The following R3HDM1 variants were observed in gnomAD, a reference collection of about 807,000 sequenced individuals.
R3HDM1 encodes R3H domain containing 1, also known as R3H domain-containing protein 1.
A neutral mutation model predicts 141.1 loss-of-function variants in R3HDM1; 46 were observed. The ratio of observed to expected loss-of-function variants is 0.33; its 90% CI spans 0.26 to 0.42. The LOEUF is 0.42. Among genes scored for constraint, R3HDM1 ranks in the 10% least tolerant of loss-of-function variants. The pLI is 1.00. For missense variants in R3HDM1, 1,184 were observed against 1,368.3 expected (o/e 0.87, Z 2.12); for synonymous variants, 435 against 472.9 (o/e 0.92, Z 1.04).
At chr2:135,532,655 T>C (rs1695159927) in intron 1 of R3HDM1, among the ~76,000 whole-genome samples, 1 of 152,164 alleles carries the variant, frequency 6.6e-6, no homozygotes, top group Non-Finnish European at 1.5e-5. Flanking sequence ...ACAAAAACTT[T>C]TAAATGAAAA....
At chr2:135,636,654 A>G (rs2063282779) in intron 11 of R3HDM1, among the ~76,000 whole-genome samples, 1 of 152,174 alleles carries the variant, frequency 6.6e-6, no homozygotes, top group Non-Finnish European at 1.5e-5. Context: ...GTGATTATAT[A>G]AGATAGGCTT....
rs371313309 is a variant in R3HDM1, at chr2:135,710,087, G to A, written c.2592G>A (p.Gly864=). The A allele has an allele frequency of 4.3e-6, 7 of 1,613,822 alleles. No individual in the cohort carries two copies. The highest frequency in any genetic ancestry group is 5.9e-6 in the Non-Finnish European group (7 of 1,179,944). The stretch of plus-strand genomic sequence containing the variant: ...GACCACCACCGCCACCTGGTGGGGG[G>A]ATGGTGATGATGCAGCTCAGTGTAC... ...TAGPPPPPGG[G]MVMMQLSVPN... The change falls in exon 23 of 27, where the codon GGG becomes GGA. Residue 864 remains glycine, a synonymous_variant. Transcript: ENST00000683871.
Position 135,674,276 on chromosome 2 carries a change from A to G in R3HDM1, c.2153-1056A>G, listed in dbSNP as rs2068812384. On this transcript the variant is annotated intron_variant, in intron 19 of 26. Transcript: ENST00000683871. ...ATGTCTGTTGCTTTAGGAATTAGTG[A>G]GGATATAAATGAAAACTGATAACAA... Among the ~76,000 whole-genome samples the G allele has an allele frequency of 2.6e-5, 4 of 152,220 alleles. No homozygotes were observed. In the South Asian group the frequency reaches 8.3e-4, roughly 32 times the overall value.
chr2:135,554,029 G>T (rs868304467), intron 1 of R3HDM1, among the ~76,000 whole-genome samples: 3 of 152,138 alleles, frequency 2.0e-5, no homozygotes, highest in African/African-American at 7.2e-5. Flanking sequence ...GATATAATTC[G>T]TGTACTGTAA....
intron 1 of R3HDM1, chr2:135,586,364 C>A (rs1351615771): frequency 6.5e-6 from 1 of 152,692 alleles, no homozygotes; most frequent in Admixed American, 6.5e-5. Context: ...ACTGCTCTAG[C>A]AGGCACTCCC....
At chr2:135,553,176 T>G (rs1404628204) in intron 1 of R3HDM1, among the ~76,000 whole-genome samples, 1 of 152,082 alleles carries the variant, frequency 6.6e-6, no homozygotes, top group Non-Finnish European at 1.5e-5. Flanking sequence ...GGCTCTAACA[T>G]TGCTTGGCAT....
intron 21 of R3HDM1, among the ~76,000 whole-genome samples, chr2:135,694,044 G>T (rs1392222976): frequency 6.6e-6 from 1 of 152,046 alleles, no homozygotes. Context: ...AGACAAAAAG[G>T]AATGATTCTC....
intron 21 of R3HDM1, among the ~76,000 whole-genome samples, chr2:135,698,785 G>A (rs190905901): frequency 3.8e-4 from 58 of 152,122 alleles, no homozygotes; most frequent in Non-Finnish European, 3.4e-4. Flanking sequence ...GAGAAGAGTG[G>A]GGGGAGCACC....
intron 21 of R3HDM1, among the ~76,000 whole-genome samples, chr2:135,708,987 T>C (rs1414344350): frequency 6.6e-6 from 1 of 151,354 alleles, no homozygotes; most frequent in East Asian, 1.9e-4. Flanking sequence ...AACTAACTGT[T>C]CAAAAATACA....
chr2:135,560,170 C>G (rs1701536203), intron 1 of R3HDM1, among the ~76,000 whole-genome samples: 1 of 152,148 alleles, frequency 6.6e-6, no homozygotes, highest in Admixed American at 6.6e-5. Flanking sequence ...TTTAAAATTT[C>G]AAGTTCTTAG....
At chr2:135,711,541 T>C (rs1462994195) in intron 23 of R3HDM1, among the ~76,000 whole-genome samples, 2 of 151,566 alleles carry the variant, frequency 1.3e-5, no homozygotes, top group Non-Finnish European at 1.5e-5. Flanking sequence ...TGTGCACCTG[T>C]AGTCCCAGCC....
intron 9 of R3HDM1, among the ~76,000 whole-genome samples, chr2:135,632,489 A>T (rs2062816097): frequency 6.6e-6 from 1 of 152,166 alleles, no homozygotes; most frequent in African/African-American, 2.4e-5. Flanking sequence ...TTAATGCAAT[A>T]TCATTAGTGC....
chr2:135,699,617 A>T (rs1248694102), intron 21 of R3HDM1, among the ~76,000 whole-genome samples: 1 of 152,250 alleles, frequency 6.6e-6, no homozygotes, highest in African/African-American at 2.4e-5. Context: ...TATCAAGTAC[A>T]TTATCAGAGT....
At chr2:135,665,977 T>G (rs1325544654) in intron 19 of R3HDM1, among the ~76,000 whole-genome samples, 2 of 152,352 alleles carry the variant, frequency 1.3e-5, no homozygotes, top group Admixed American at 1.3e-4. Context: ...TCTGTGAAAC[T>G]ATACTTTTAG....
intron 7 of R3HDM1, among the ~76,000 whole-genome samples, chr2:135,623,316 A>G (rs754709022): frequency 2.2e-4 from 33 of 152,192 alleles, no homozygotes; most frequent in Non-Finnish European, 4.3e-4. Context: ...CAACACTTTC[A>G]TGGAGTGAAA....
At chr2:135,594,271 A>G (rs1710047249) in intron 1 of R3HDM1, among the ~76,000 whole-genome samples, 2 of 152,190 alleles carry the variant, frequency 1.3e-5, no homozygotes, top group South Asian at 2.1e-4. Flanking sequence ...CCAGCTTTTT[A>G]TGTATTGATT....
chr2:135,675,514 G>A (rs1289271569), intron 20 of R3HDM1, 28 bp downstream of exon 20: 4 of 1,576,016 alleles, frequency 2.5e-6, no homozygotes, highest in South Asian at 1.1e-5. Flanking sequence ...TGTACTTTGG[G>A]TAGAGATGAT....
At chr2:135,564,013 A>G (rs1015208097) in intron 1 of R3HDM1, among the ~76,000 whole-genome samples, 3 of 152,262 alleles carry the variant, frequency 2.0e-5, no homozygotes, top group Admixed American at 6.5e-5. Flanking sequence ...CACATCCTCT[A>G]TGATCTCAGA....
At chr2:135,555,252 G>C (rs1031462261) in intron 1 of R3HDM1, among the ~76,000 whole-genome samples, 1 of 148,716 alleles carries the variant, frequency 6.7e-6, no homozygotes, top group African/African-American at 2.5e-5. Context: ...AGCCGAGATC[G>C]AGCCACTGCA....
Sources: gnomAD v4.1 joint callset for allele counts (sites outside exome capture counted in the v4.1 genomes callset) on GRCh38, gnomAD v4.1.1 for gene constraint, MANE v1.5 for transcripts, NCBI Gene and HGNC (gene_info 2026-07-23, HGNC 2026-07-21) for gene names.